TNNI3K: variants seen among roughly 807,000 people sequenced by gnomAD.
TNNI3K encodes the protein serine/threonine-protein kinase TNNI3K.
TNNI3K carries 140 observed loss-of-function variants against 114.5 expected under a neutral mutation model. The ratio of observed to expected loss-of-function variants is 1.22; its 90% CI spans 1.07 to 1.41. TNNI3K has a LOEUF of 1.41. Ranked by LOEUF, TNNI3K falls within the 40% of genes most tolerant of loss-of-function variation. TNNI3K has a pLI of 0.00. For missense variants in TNNI3K, 1,125 were observed against 1,007.6 expected (o/e 1.12, Z -1.58); for synonymous variants, 347 against 347.5 (o/e 1.00, Z 0.02).
chr1:74,390,153 C>A (rs944696959), intron 17 of TNNI3K, among the ~76,000 whole-genome samples: 35 of 152,104 alleles, frequency 2.3e-4, no homozygotes, highest in Admixed American at 2.0e-3. Flanking sequence ...CCTATAATCA[C>A]TGGATTCTTT....
intron 7 of TNNI3K, among the ~76,000 whole-genome samples, chr1:74,340,715 T>G (rs72673277): frequency 0.016 from 2,436 of 152,308 alleles, 33 homozygotes; most frequent in Middle Eastern, 0.031. Context: ...CTGCTTTGCA[T>G]TTTTCCTTCT....
intron 23 of TNNI3K, among the ~76,000 whole-genome samples, chr1:74,494,640 G>A (rs1244127668): frequency 6.6e-6 from 1 of 152,162 alleles, no homozygotes; most frequent in African/African-American, 2.4e-5. Context: ...AGTCACCTGA[G>A]GTTTGTCCAC....
chr1:74,481,624 C>T (rs967222235), intron 21 of TNNI3K, among the ~76,000 whole-genome samples: 4 of 152,190 alleles, frequency 2.6e-5, no homozygotes, highest in African/African-American at 9.6e-5. Flanking sequence ...TATCTGTTCC[C>T]TCCAATGAAG....
At chr1:74,464,528 T>C (rs1473037809) in intron 21 of TNNI3K, 44 of 1,427,472 alleles carry the variant, frequency 3.1e-5, no homozygotes, top group Non-Finnish European at 4.0e-5. Flanking sequence ...AACAAGAGAA[T>C]AAAGTGAGGC....
intron 23 of TNNI3K, among the ~76,000 whole-genome samples, chr1:74,523,442 T>G (rs1450554349): frequency 1.7e-5 from 1 of 57,730 alleles, no homozygotes; most frequent in Non-Finnish European, 7.6e-5. Context: ...AAGATTTTTC[T>G]TTTTTTTAAT....
At chr1:74,302,542 G>C (rs1297448433) in intron 5 of TNNI3K, among the ~76,000 whole-genome samples, 1 of 152,186 alleles carries the variant, frequency 6.6e-6, no homozygotes, top group African/African-American at 2.4e-5. Context: ...GAGGAAAATT[G>C]AAAGTGTTAT....
At chr1:74,253,460 C>T (rs564144) in intron 4 of TNNI3K, among the ~76,000 whole-genome samples, 5 of 152,072 alleles carry the variant, frequency 3.3e-5, no homozygotes, top group Non-Finnish European at 7.4e-5. Context: ...TCAGGCATGG[C>T]GGGCTGCAGG....
intron 23 of TNNI3K, among the ~76,000 whole-genome samples, chr1:74,507,227 C>G (rs1262508771): frequency 7.3e-6 from 1 of 137,014 alleles, no homozygotes; most frequent in Non-Finnish European, 1.6e-5. Context: ...TTCTTCACCC[C>G]CCCCCCATCT....
chr1:74,430,784 G>A lies in TNNI3K; in HGVS notation c.1773-5296G>A, dbSNP rs2100653244. The stretch of plus-strand genomic sequence containing the variant: ...GCCAAATCCAAATACTGTGGTATCA[G>A]TGCAGTCAGGGGAACAAAGATTCCT... On this transcript the variant is annotated intron_variant, in intron 17 of 24. Transcript: ENST00000326637. Among the ~76,000 whole-genome samples, 3 of 152,228 alleles carry A rather than the reference G, an allele frequency of 2.0e-5. 1 individual carries two copies. In the East Asian group the frequency reaches 5.8e-4, roughly 29 times the overall value.
At chr1:74,253,772 C>T (rs772001127) in intron 4 of TNNI3K, among the ~76,000 whole-genome samples, 7 of 152,162 alleles carry the variant, frequency 4.6e-5, no homozygotes, top group East Asian at 1.9e-4. Flanking sequence ...GCTCCAGCCT[C>T]GGCCATCCCA....
chr1:74,494,836 C>T (rs1050582575), intron 23 of TNNI3K, among the ~76,000 whole-genome samples: 2 of 152,082 alleles, frequency 1.3e-5, no homozygotes, highest in Non-Finnish European at 2.9e-5. Flanking sequence ...AGTGACAGTA[C>T]TTGATTGAAA....
chr1:74,333,776 A>G (rs554844498), intron 6 of TNNI3K, among the ~76,000 whole-genome samples: 72 of 152,228 alleles, frequency 4.7e-4, no homozygotes, highest in Non-Finnish European at 8.7e-4. Flanking sequence ...GTTTTGCACC[A>G]AGAGCAATAT....
At chr1:74,316,441 T>G (rs906971599) in intron 5 of TNNI3K, among the ~76,000 whole-genome samples, 6 of 152,164 alleles carry the variant, frequency 3.9e-5, no homozygotes, top group African/African-American at 1.2e-4. Flanking sequence ...TCTCCACTCT[T>G]TTTATATTCA....
chr1:74,359,093 T>C (rs1381306247), intron 11 of TNNI3K, among the ~76,000 whole-genome samples: 1 of 151,988 alleles, frequency 6.6e-6, no homozygotes, highest in African/African-American at 2.4e-5. Context: ...TGTCTTGTTG[T>C]AGAATTCAAG....
intron 4 of TNNI3K, among the ~76,000 whole-genome samples, chr1:74,258,402 A>G (rs187930899): frequency 2.3e-4 from 35 of 152,334 alleles, no homozygotes; most frequent in Non-Finnish European, 4.4e-5. Flanking sequence ...TATTTCAGGC[A>G]GAAAACCATG....
intron 23 of TNNI3K, among the ~76,000 whole-genome samples, chr1:74,498,463 ATTCTC>A (rs1241310503): frequency 6.6e-6 from 1 of 152,180 alleles, no homozygotes; most frequent in African/African-American, 2.4e-5. Flanking sequence ...AAAAACAGAA[ATTCTC>A]TTCTTTTTTG....
intron 2 of TNNI3K, chr1:74,240,705 G>C (rs532595557): frequency 3.5e-4 from 53 of 151,764 alleles, no homozygotes; most frequent in Admixed American, 6.6e-4. Flanking sequence ...AGCCAAATTT[G>C]TATCTGCTTA....
intron 5 of TNNI3K, among the ~76,000 whole-genome samples, chr1:74,294,294 T>A (rs192523643): frequency 6.6e-6 from 1 of 152,016 alleles, no homozygotes; most frequent in Non-Finnish European, 1.5e-5. Flanking sequence ...TTTGTGAAGA[T>A]TTATGTTATT....
At chr1:74,532,937 C>T (rs138426102) in intron 23 of TNNI3K, among the ~76,000 whole-genome samples, 2,208 of 152,186 alleles carry the variant, frequency 0.015, 67 homozygotes, top group African/African-American at 0.051. Context: ...AAGACTTAAA[C>T]GCTAGACCTA....
Sources: gnomAD v4.1 joint callset for allele counts (sites outside exome capture counted in the v4.1 genomes callset) on GRCh38, gnomAD v4.1.1 for gene constraint, MANE v1.5 for transcripts, NCBI Gene and HGNC (gene_info 2026-07-23, HGNC 2026-07-21) for gene names.